Variants in FAM184A observed in about 807,000 individuals in gnomAD.
FAM184A encodes the protein family with sequence similarity 184 member A, also known as protein FAM184A.
In FAM184A, 99 loss-of-function variants were observed where a neutral mutation model predicts 143.8. The ratio of observed to expected loss-of-function variants is 0.69; its 90% CI spans 0.58 to 0.81. FAM184A has a LOEUF of 0.81. FAM184A is among the 40% of genes least tolerant of loss of function. The pLI is 0.00. For synonymous variants in FAM184A, 427 were observed against 446.4 expected (o/e 0.96, Z 0.55); for missense variants, 1,217 against 1,310.5 (o/e 0.93, Z 1.10).
At chr6:119,136,467 G>A (rs1471444876) in intron 1 of FAM184A, among the ~76,000 whole-genome samples, 1 of 152,020 alleles carries the variant, frequency 6.6e-6, no homozygotes, top group Non-Finnish European at 1.5e-5. Flanking sequence ...TAAAAAAATT[G>A]GCAGCGCAGA....
intron 1 of FAM184A, among the ~76,000 whole-genome samples, chr6:119,113,075 C>T (rs903679884): frequency 6.6e-6 from 1 of 152,182 alleles, no homozygotes. Context: ...CACACCGCCC[C>T]AGTATGGCTG....
At chr6:118,978,306 T>C (rs1358863726) in intron 11 of FAM184A, among the ~76,000 whole-genome samples, 1 of 152,222 alleles carries the variant, frequency 6.6e-6, no homozygotes, top group African/African-American at 2.4e-5. Flanking sequence ...CATGTTTCAA[T>C]GGACTAAACA....
At chr6:118,964,523 T>C in intron 16 of FAM184A, 144 bp downstream of exon 16, 1 of 456,130 alleles carries the variant, frequency 2.2e-6, no homozygotes, top group Non-Finnish European at 3.9e-6. Flanking sequence ...ATATAAATAA[T>C]TCATAAGTTT....
chr6:119,023,375 T>C (rs534942716), intron 2 of FAM184A, among the ~76,000 whole-genome samples: 7 of 152,112 alleles, frequency 4.6e-5, no homozygotes, highest in Middle Eastern at 3.4e-3. Flanking sequence ...GGCATTTTTT[T>C]CCCCCAGACT....
At chr6:119,035,666 G>A (rs944477903) in intron 1 of FAM184A, among the ~76,000 whole-genome samples, 4 of 152,148 alleles carry the variant, frequency 2.6e-5, no homozygotes, top group African/African-American at 7.2e-5. Flanking sequence ...GGCTTCATCT[G>A]CATGATAAAA....
At chr6:119,116,472 C>A (rs1180607762) in intron 1 of FAM184A, among the ~76,000 whole-genome samples, 1 of 152,162 alleles carries the variant, frequency 6.6e-6, no homozygotes, top group African/African-American at 2.4e-5. Context: ...ACCCATATAA[C>A]AAATCTGCAT....
At chr6:118,960,324 C>T (rs780603850) in intron 17 of FAM184A, 140 bp from the exon 18 acceptor site, 3 of 634,610 alleles carry the variant, frequency 4.7e-6, no homozygotes, top group Middle Eastern at 4.2e-4. Flanking sequence ...TTTGCTACCC[C>T]CTCTATACTA....
chr6:119,034,039 TATAGAGAGAGAGAG>T (rs1250069235), intron 1 of FAM184A, among the ~76,000 whole-genome samples: 383 of 30,258 alleles, frequency 0.013, 2 homozygotes, highest in Middle Eastern at 0.024. Context: ...TATATATATA[TATAGAGAGAGAGAG>T]AGAGAGAGAG....
At position 119,078,586 on chromosome 6, in the gene FAM184A, C is replaced by A; in HGVS notation, c.-287G>T. On this transcript the variant is annotated 5_prime_UTR_variant, in exon 1 of 18. Coordinates refer to ENST00000338891, the MANE Select transcript of FAM184A (RefSeq NM_024581.6). The surrounding 1 kb of genome is among the most constrained non-coding windows in gnomAD (Gnocchi z 5.5). ...GGCCAGCTCTTGGAGGCTCCTCGGC[C>A]CGCGCCTGGCGGAGGCGTCGAGGAC... The A allele has an allele frequency of 4.1e-6, 1 of 246,350 alleles. No individual in the cohort carries two copies. The highest frequency in any genetic ancestry group is 7.7e-6 in the Non-Finnish European group (1 of 129,166). The allele number at this position is 246,350 out of a possible 1,614,324, so 15.3% of individuals were successfully genotyped here.
At chr6:118,988,954 A>ATTTTT (rs71556820) in intron 9 of FAM184A, among the ~76,000 whole-genome samples, 66 of 112,030 alleles carry the variant, frequency 5.9e-4, no homozygotes, top group Non-Finnish European at 7.4e-4. Flanking sequence ...TCTGGACATG[A>ATTTTT]TTTTTTTTTT....
chr6:119,012,167 G>A (rs190813267), intron 5 of FAM184A, among the ~76,000 whole-genome samples: 62 of 152,180 alleles, frequency 4.1e-4, no homozygotes, highest in Non-Finnish European at 6.6e-4. Flanking sequence ...TTCTAGGCAC[G>A]GGAAAAAGCA....
upstream of FAM184A, among the ~76,000 whole-genome samples, chr6:119,081,529 T>C (rs1286979150): frequency 6.6e-6 from 1 of 152,162 alleles, no homozygotes; most frequent in Non-Finnish European, 1.5e-5. Context: ...GTGGCTTGTG[T>C]TAGCCAGTTC....
At position 119,024,290 on chromosome 6, in the gene FAM184A, T is replaced by C; in HGVS notation, c.683A>G (p.Glu228Gly). Reference sequence around the variant, plus strand: ...CTCCTCAAGCATTTTGTTTAGGGACTCCACCTCCATTCTGTGTAGTTCCTC... The same window carrying C: ...CTCCTCAAGCATTTTGTTTAGGGACCCCACCTCCATTCTGTGTAGTTCCTC... ...KAEELHRMEV[E>G]SLNKMLEELR... The change falls in exon 2 of 18, where the codon GAG (glutamate) becomes GGG (glycine). Residue 228 changes from glutamate (E) to glycine (G), a missense_variant. By Grantham distance (98) the Glu-to-Gly change is moderately conservative. Coordinates refer to ENST00000338891, the MANE Select transcript of FAM184A (RefSeq NM_024581.6). The C allele has an allele frequency of 6.2e-7, 1 of 1,614,214 alleles. No homozygotes were observed.
chr6:119,121,306 A>AT (rs767954090), intron 1 of FAM184A, among the ~76,000 whole-genome samples: 1 of 151,340 alleles, frequency 6.6e-6, no homozygotes, highest in East Asian at 2.0e-4. Context: ...TAATTTTTGT[A>AT]TTTTTTGTAG....
intron 1 of FAM184A, among the ~76,000 whole-genome samples, chr6:119,117,541 G>A (rs1789091982): frequency 6.6e-6 from 1 of 152,164 alleles, no homozygotes; most frequent in African/African-American, 2.4e-5. Flanking sequence ...TATCAGTTCT[G>A]TTGCTGCTGT....
At chr6:119,037,499 T>C (rs994006210) in intron 1 of FAM184A, among the ~76,000 whole-genome samples, 3 of 152,190 alleles carry the variant, frequency 2.0e-5, no homozygotes, top group Admixed American at 6.5e-5. Context: ...TCTGATAACA[T>C]GCCTTCACTG....
intron 1 of FAM184A, among the ~76,000 whole-genome samples, chr6:119,045,029 A>C (rs1786474414): frequency 1.3e-5 from 2 of 152,242 alleles, no homozygotes; most frequent in African/African-American, 4.8e-5. Flanking sequence ...TGCTGTAAAT[A>C]CAACCTACGC....
intron 1 of FAM184A, among the ~76,000 whole-genome samples, chr6:119,074,059 T>G (rs1337813790): frequency 1.3e-5 from 2 of 151,992 alleles, no homozygotes; most frequent in Non-Finnish European, 2.9e-5. Flanking sequence ...GGAATTGAGG[T>G]GAAAATCTAG....
At chr6:119,046,289 T>C (rs890914295) in intron 1 of FAM184A, among the ~76,000 whole-genome samples, 4 of 151,490 alleles carry the variant, frequency 2.6e-5, no homozygotes, top group African/African-American at 4.9e-5. Context: ...AGTGGCATGA[T>C]CTAGGCTCAC....
Sources: allele counts gnomAD v4.1 joint callset (sites outside exome capture counted in the v4.1 genomes callset), GRCh38; gene constraint gnomAD v4.1.1; non-coding constraint Gnocchi (gnomAD v3.1); transcripts MANE v1.5; gene names NCBI Gene and HGNC (gene_info 2026-07-23, HGNC 2026-07-21).